PTPRD: variants seen among roughly 807,000 people sequenced by gnomAD.
PTPRD encodes the protein protein tyrosine phosphatase receptor type D.
PTPRD carries 34 observed loss-of-function variants against 214.5 expected under a neutral mutation model. That is an observed-to-expected ratio of 0.16 (90% confidence interval 0.12 to 0.21). The LOEUF (loss-of-function observed/expected upper bound fraction) is 0.21, where lower values mean the gene tolerates loss of function less well. Ranked by LOEUF, PTPRD falls within the 10% of genes least tolerant of loss-of-function variation. PTPRD has a pLI of 1.00. For missense variants in PTPRD, 2,545 were observed against 2,398.7 expected, an observed-to-expected ratio of 1.06 and a Z score of -1.27; for synonymous variants, 1,128 against 845.7, an observed-to-expected ratio of 1.33 and a Z score of -5.79.
At chr9:9,104,690 A>G (rs1367855464) in intron 10 of PTPRD, among the ~76,000 whole-genome samples, 2 of 152,224 alleles carry the variant, frequency 1.3e-5, no homozygotes, top group African/African-American at 2.4e-5. Context: ...CTTGGTGCTC[A>G]GTGTCTCTTT....
intron 11 of PTPRD, among the ~76,000 whole-genome samples, chr9:8,875,146 C>T (rs796408571): frequency 6.6e-6 from 1 of 152,186 alleles, no homozygotes; most frequent in Non-Finnish European, 1.5e-5. Context: ...AGTAGACTGA[C>T]AATCACTGAT....
At chr9:10,434,533 C>T (rs1434890931) in intron 2 of PTPRD, among the ~76,000 whole-genome samples, 1 of 151,818 alleles carries the variant, frequency 6.6e-6, no homozygotes, top group African/African-American at 2.4e-5. Flanking sequence ...GACATTCTTT[C>T]TCTTAAAAAA....
intron 2 of PTPRD, among the ~76,000 whole-genome samples, chr9:10,445,274 T>G (rs1396173144): frequency 6.6e-6 from 1 of 151,818 alleles, no homozygotes; most frequent in Non-Finnish European, 1.5e-5. Flanking sequence ...TGTGAAGGAG[T>G]CAGAACTACT....
intron 3 of PTPRD, among the ~76,000 whole-genome samples, chr9:10,221,015 C>T (rs976441186): frequency 2.0e-5 from 3 of 151,842 alleles, no homozygotes; most frequent in Non-Finnish European, 4.4e-5. Context: ...CAGGAAGAAT[C>T]CCCCGAGGAA....
At position 8,570,718 on chromosome 9, in the gene PTPRD, T is replaced by C. The variant is rs76121626; in HGVS notation, c.353-41939A>G. On this transcript the variant is annotated intron_variant, in intron 14 of 45. Transcript: ENST00000381196. ...TGATGGAATCAATACAGATCTGCTC[T>C]TAAAATATCTGTCTCTGACCTGTGT... is the stretch of plus-strand genomic sequence containing the variant. Among the ~76,000 whole-genome samples the C allele has an allele frequency of 6.8e-3, 1,032 of 152,286 alleles. 11 individuals carry two copies. Among genetic ancestry groups the C allele is most frequent in the African/African-American group, 0.024 (986 of 41,580 alleles).
chr9:8,667,732 C>T (rs1387816375), intron 12 of PTPRD, among the ~76,000 whole-genome samples: 1 of 152,036 alleles, frequency 6.6e-6, no homozygotes, highest in Admixed American at 6.5e-5. Context: ...CAAGATATCT[C>T]ATTATGTATA....
intron 5 of PTPRD, among the ~76,000 whole-genome samples, chr9:9,812,842 G>A (rs1274207789): frequency 6.6e-6 from 1 of 152,074 alleles, no homozygotes; most frequent in African/African-American, 2.4e-5. Context: ...TTCTTCTCAA[G>A]TGTACGCAGA....
At chr9:9,420,172 T>C (rs1337950584) in intron 8 of PTPRD, among the ~76,000 whole-genome samples, 2 of 151,788 alleles carry the variant, frequency 1.3e-5, no homozygotes, top group Non-Finnish European at 3.0e-5. Flanking sequence ...TTAATCACTA[T>C]AAAGCTTAAT....
chr9:9,772,672 ATC>A (rs1286377243), intron 5 of PTPRD, among the ~76,000 whole-genome samples: 10 of 152,134 alleles, frequency 6.6e-5, no homozygotes, highest in African/African-American at 2.4e-4. Context: ...CTCTGATGAT[ATC>A]TGTCTATATA....
At chr9:9,171,008 C>T (rs1290522759) in intron 10 of PTPRD, among the ~76,000 whole-genome samples, 3 of 152,070 alleles carry the variant, frequency 2.0e-5, no homozygotes, top group Non-Finnish European at 4.4e-5. Flanking sequence ...GCCCAGCTGT[C>T]CAGGAAAGCT....
chr9:8,701,323 T>A (rs1333341241), intron 12 of PTPRD: 1 of 151,694 alleles, frequency 6.6e-6, no homozygotes, highest in Non-Finnish European at 1.5e-5. Flanking sequence ...AGAAAGTAAA[T>A]TTCTCTATGT....
At chr9:9,769,459 G>A (rs554581014) in intron 5 of PTPRD, among the ~76,000 whole-genome samples, 84 of 151,250 alleles carry the variant, frequency 5.6e-4, no homozygotes, top group Non-Finnish European at 1.0e-3. Flanking sequence ...CCGAGCAGCT[G>A]GGACTACAGG....
chr9:9,365,578 A>G (rs2057649816), intron 9 of PTPRD, among the ~76,000 whole-genome samples: 1 of 151,582 alleles, frequency 6.6e-6, no homozygotes, highest in African/African-American at 2.4e-5. Flanking sequence ...CAATACAACT[A>G]AATGGACAGC....
At chr9:9,484,864 T>C (rs1400166841) in intron 8 of PTPRD, among the ~76,000 whole-genome samples, 1 of 152,162 alleles carries the variant, frequency 6.6e-6, no homozygotes, top group Non-Finnish European at 1.5e-5. Flanking sequence ...GTAGAGAAGC[T>C]TCATGTAACA....
At chr9:8,432,647 A>C (rs1159438164) in intron 35 of PTPRD, among the ~76,000 whole-genome samples, 1 of 152,208 alleles carries the variant, frequency 6.6e-6, no homozygotes, top group African/African-American at 2.4e-5. Context: ...AAGCCAGTAA[A>C]AATCTATTCA....
chr9:9,392,450 A>T (rs1204398274), intron 9 of PTPRD, among the ~76,000 whole-genome samples: 1 of 152,204 alleles, frequency 6.6e-6, no homozygotes, highest in Admixed American at 6.5e-5. Flanking sequence ...CAACTGAGAT[A>T]AAATTGTCTC....
intron 3 of PTPRD, among the ~76,000 whole-genome samples, chr9:10,114,697 A>G (rs986290719): frequency 2.6e-5 from 4 of 152,142 alleles, no homozygotes; most frequent in Non-Finnish European, 4.4e-5. Flanking sequence ...TAAATTGTAT[A>G]GCTTCCTTGT....
intron 3 of PTPRD, among the ~76,000 whole-genome samples, chr9:10,204,911 G>T (rs973609479): frequency 1.3e-5 from 2 of 152,024 alleles, no homozygotes; most frequent in African/African-American, 4.8e-5. Flanking sequence ...TACTTACTAA[G>T]GCTATAGTCT....
At chr9:8,340,135 A>G (rs1414776805) in intron 42 of PTPRD, among the ~76,000 whole-genome samples, 1 of 152,188 alleles carries the variant, frequency 6.6e-6, no homozygotes, top group Non-Finnish European at 1.5e-5. Flanking sequence ...GAAACAAATC[A>G]CTAGATCTTT....
Sources: gnomAD v4.1 joint callset for allele counts (sites outside exome capture counted in the v4.1 genomes callset) on GRCh38, gnomAD v4.1.1 for gene constraint, MANE v1.5 for transcripts, NCBI Gene and HGNC (gene_info 2026-07-23, HGNC 2026-07-21) for gene names.